The following NAV3 variants were observed in gnomAD, a reference collection of about 807,000 sequenced individuals.
The protein encoded by NAV3 is neuron navigator 3.
NAV3 carries 87 observed loss-of-function variants against 244.7 expected under a neutral mutation model. The observed-to-expected ratio is 0.36, with a 90% CI of 0.30 to 0.42. The LOEUF (loss-of-function observed/expected upper bound fraction) is 0.42, where lower values mean the gene tolerates loss of function less well. NAV3 is among the 20% of genes least tolerant of loss of function. The pLI is 1.00. For missense variants in NAV3, 2,663 were observed against 2,893.3 expected (o/e 0.92, Z 1.83); for synonymous variants, 1,126 against 1,042.2 (o/e 1.08, Z -1.55).
intron 1 of NAV3, among the ~76,000 whole-genome samples, chr12:77,867,221 T>C (rs1402575169): frequency 1.3e-5 from 2 of 152,192 alleles, no homozygotes; most frequent in Non-Finnish European, 2.9e-5. Context: ...TTAATAAGTC[T>C]CATGAGATCC....
intron 2 of NAV3, among the ~76,000 whole-genome samples, chr12:77,816,865 C>G (rs1383556939): frequency 6.6e-6 from 1 of 152,176 alleles, no homozygotes; most frequent in Non-Finnish European, 1.5e-5. Flanking sequence ...GATTCCTAAA[C>G]TATGGCAGGA....
intron 2 of NAV3, among the ~76,000 whole-genome samples, chr12:77,739,932 C>T (rs142719728): frequency 8.0e-4 from 121 of 152,074 alleles, no homozygotes; most frequent in African/African-American, 2.8e-3. Context: ...GTAATTTTTT[C>T]GCTATAAATT....
intron 2 of NAV3, among the ~76,000 whole-genome samples, chr12:77,592,256 C>T (rs1869940430): frequency 6.6e-6 from 1 of 152,140 alleles, no homozygotes. Context: ...AAAGAGCCAC[C>T]TAGAGAGGGC....
At chr12:78,085,246 ATT>A (rs1953570469) in intron 12 of NAV3, among the ~76,000 whole-genome samples, 1 of 152,132 alleles carries the variant, frequency 6.6e-6, no homozygotes, top group South Asian at 2.1e-4. Context: ...ACAGCTGTGA[ATT>A]ACCTGCTGTG....
intron 12 of NAV3, among the ~76,000 whole-genome samples, chr12:78,096,975 A>G (rs992809592): frequency 7.2e-5 from 11 of 152,114 alleles, no homozygotes; most frequent in African/African-American, 2.7e-4. Flanking sequence ...GAGGTGAGAG[A>G]TGGTCCAGAT....
intron 2 of NAV3, among the ~76,000 whole-genome samples, chr12:77,729,836 T>C (rs1877044576): frequency 6.6e-6 from 1 of 151,914 alleles, no homozygotes; most frequent in African/African-American, 2.4e-5. Context: ...ATAGAGGGCC[T>C]GAAAACAAGA....
intron 2 of NAV3, among the ~76,000 whole-genome samples, chr12:77,814,151 A>G (rs1378403657): frequency 6.6e-6 from 1 of 152,108 alleles, no homozygotes; most frequent in African/African-American, 2.4e-5. Context: ...CTGATCGAAT[A>G]TTCTGCCAGA....
chr12:78,088,297 A>G (rs1002387509), intron 12 of NAV3, among the ~76,000 whole-genome samples: 1 of 152,208 alleles, frequency 6.6e-6, no homozygotes, highest in African/African-American at 2.4e-5. Context: ...TAACAGGTTA[A>G]AATATAAAAT....
At chr12:78,085,255 T>C (rs574911687) in intron 12 of NAV3, among the ~76,000 whole-genome samples, 31 of 152,152 alleles carry the variant, frequency 2.0e-4, no homozygotes, top group Non-Finnish European at 4.1e-4. Flanking sequence ...AATTACCTGC[T>C]GTGGCTTGAC....
At chr12:78,205,209 T>A (rs1305018929) in intron 39 of NAV3, 71 bp downstream of exon 39, 6 of 1,455,600 alleles carry the variant, frequency 4.1e-6, no homozygotes, top group Non-Finnish European at 5.7e-6. Context: ...ATTTAGTTAT[T>A]TCTAGCGAAG....
chr12:78,036,895 G>A lies in NAV3; in HGVS notation c.2024-13098G>A, dbSNP rs1173094086. The A allele has an allele frequency of 1.9e-5, 13 of 701,728 alleles. 1 individual carries two copies. The highest frequency in any genetic ancestry group is 1.5e-4 in the South Asian group (10 of 67,560). The allele number at this position is 701,728 out of a possible 1,614,324, so 43.5% of individuals were successfully genotyped here. A position where few individuals can be genotyped will look rare whatever the true frequency, so the allele number is the denominator to read the frequency against. On this transcript the variant is annotated intron_variant, in intron 9 of 39. Coordinates refer to ENST00000397909, the MANE Select transcript of NAV3 (RefSeq NM_001024383.2). ...CGGCCTGCTGAACTCTCTGTGTTCC[G>A]GAGCAAAGAAGTAAGGAGAAAGGGA...
rs747642540 is a variant in NAV3, at chr12:78,205,014, C to T, written c.6914C>T (p.Pro2305Leu). The T allele has an allele frequency of 2.5e-6, 4 of 1,613,570 alleles. No individual in the cohort carries two copies. In the South Asian group the frequency reaches 3.3e-5, roughly 13 times the overall value. Residue 2305 changes from proline to leucine, a missense_variant, in exon 39 of 40, where the codon CCT becomes CTT. Transcript: ENST00000397909. ...DTYPWSSATL[P>L]QESPALLQLR... The stretch of plus-strand genomic sequence containing the variant: ...TATCCATGGAGCTCAGCAACTCTGC[C>T]TCAGGAGAGCCCAGCCTTACTTCAG...
At chr12:77,923,025 C>G (rs530941243) in intron 1 of NAV3, among the ~76,000 whole-genome samples, 3 of 151,816 alleles carry the variant, frequency 2.0e-5, no homozygotes, top group Non-Finnish European at 1.5e-5. Flanking sequence ...ACAAGTATCA[C>G]GATTTTTATT....
chr12:77,869,322 G>GTCATTAATAAATATTAAGTA (rs1435494727), intron 1 of NAV3, among the ~76,000 whole-genome samples: 3 of 152,012 alleles, frequency 2.0e-5, no homozygotes, highest in African/African-American at 7.3e-5. Context: ...AGGTTTTTGA[G>GTCATTAATAAATATTAAGTA]TCATTAATAA....
intron 2 of NAV3, among the ~76,000 whole-genome samples, chr12:77,762,726 G>T (rs5799343): frequency 0.18 from 441 of 2,392 alleles, 4 homozygotes; most frequent in African/African-American, 0.22. Flanking sequence ...TGGGTTTTTT[G>T]TTGTTGTTGT....
Position 78,121,997 on chromosome 12 carries a change from G to T in NAV3, c.3807G>T (p.Val1269=). The T allele has an allele frequency of 6.2e-7, 1 of 1,614,186 alleles. No individual in the cohort carries two copies. The highest frequency in any genetic ancestry group is 2.2e-5 in the East Asian group (1 of 44,868). Residue 1269 remains valine (V), a synonymous_variant, in exon 16 of 40, where the codon GTG becomes GTT. Transcript: ENST00000397909. Reference sequence around the variant, plus strand: ...CCTCTGCACCTAATACTGAGGGTGTGAAATCTTCCTCAGTAATGCCCAGCC... The same window carrying T: ...CCTCTGCACCTAATACTGAGGGTGTTAAATCTTCCTCAGTAATGCCCAGCC... The part of the protein sequence containing the change: ...KSASAPNTEG[V]KSSSVMPSPS...
intron 9 of NAV3, among the ~76,000 whole-genome samples, chr12:78,023,558 G>A (rs1457923622): frequency 6.6e-6 from 1 of 152,174 alleles, no homozygotes; most frequent in East Asian, 1.9e-4. Flanking sequence ...AAATGGTACA[G>A]TGAGACTTGT....
chr12:78,162,757 G>A (rs1188380497), intron 23 of NAV3, among the ~76,000 whole-genome samples: 1 of 150,616 alleles, frequency 6.6e-6, no homozygotes, highest in Non-Finnish European at 1.5e-5. Context: ...AGCTATTCAG[G>A]AGGTTGAGGC....
intron 2 of NAV3, among the ~76,000 whole-genome samples, chr12:77,634,946 T>C (rs1194049977): frequency 2.0e-5 from 3 of 152,148 alleles, no homozygotes; most frequent in African/African-American, 7.2e-5. Context: ...TAGGGTCTTG[T>C]GGCTGGGCCT....
Sources: allele counts gnomAD v4.1 joint callset (sites outside exome capture counted in the v4.1 genomes callset), GRCh38; gene constraint gnomAD v4.1.1; transcripts MANE v1.5; gene names NCBI Gene and HGNC (gene_info 2026-07-23, HGNC 2026-07-21).